The following SRI variants were observed in gnomAD, a reference collection of about 807,000 sequenced individuals.
SRI encodes 22 kDa protein.
SRI carries 30 observed loss-of-function variants against 33.3 expected under a neutral mutation model. The ratio of observed to expected loss-of-function variants is 0.90; its 90% CI spans 0.67 to 1.22. The LOEUF is 1.22. SRI is among the 50% of genes most tolerant of loss of function. The pLI is 0.00. For missense variants in SRI, 243 were observed against 250.8 expected, an observed-to-expected ratio of 0.97 and a Z score of 0.21; for synonymous variants, 75 against 89.9, an observed-to-expected ratio of 0.83 and a Z score of 0.94.
intron 7 of SRI, 45 bp from the exon 8 acceptor site, chr7:88,206,549 T>C (rs768972220): frequency 1.4e-5 from 23 of 1,610,204 alleles, no homozygotes; most frequent in African/African-American, 8.0e-5. Flanking sequence ...AAAGCACTTA[T>C]ACGGCACAGC....
intron 6 of SRI, 61 bp from the exon 7 acceptor site, chr7:88,208,626 AAGTT>A (rs1184519904): frequency 2.9e-5 from 47 of 1,598,422 alleles, no homozygotes; most frequent in East Asian, 1.1e-4. Context: ...AAAATCATAA[AAGTT>A]AGTTATTTTG....
At chr7:88,226,778 G>T in intron 1 of SRI, 1 of 918,600 alleles carries the variant, frequency 1.1e-6, no homozygotes, top group Non-Finnish European at 1.6e-6. Context: ...TGGATTAATT[G>T]ATTCTCAGCT....
chr7:88,209,992 T>G lies in SRI; in HGVS notation c.388A>C (p.Thr130Pro), dbSNP rs1456066182. The change falls in exon 5 of 8, where the codon ACA (threonine) becomes CCA (proline). Residue 130 changes from threonine to proline, a missense_variant. Transcript: ENST00000265729. The part of the protein sequence containing the change: ...VDPQELQKAL[T>P]TMGFRLSPQA... Reference sequence around the variant, plus strand: ...AGTAAGCCATACCTACCCATTGTTGTCAGGGCCTTCTGCAATTCTTGTGGG... The same window carrying G: ...AGTAAGCCATACCTACCCATTGTTGGCAGGGCCTTCTGCAATTCTTGTGGG... 8 of 1,614,030 alleles carry G rather than the reference T, an allele frequency of 5.0e-6. No homozygotes were observed. The highest frequency in any genetic ancestry group is 6.8e-6 in the Non-Finnish European group (8 of 1,180,030).
At chr7:88,214,784 C>A in intron 3 of SRI, 1 of 959,786 alleles carries the variant, frequency 1.0e-6, no homozygotes. Flanking sequence ...AGAATCTCTG[C>A]TGTAATTTAC....
intron 2 of SRI, 131 bp from the exon 3 acceptor site, chr7:88,217,322 TTTA>T (rs1445411198): frequency 1.3e-6 from 1 of 772,038 alleles, no homozygotes; most frequent in African/African-American, 1.8e-5. Context: ...ATGCCTTTTT[TTTA>T]TTAAAAGGAA....
intron 6 of SRI, chr7:88,208,910 G>C: frequency 3.1e-6 from 1 of 323,548 alleles, no homozygotes; most frequent in South Asian, 3.4e-5. Flanking sequence ...TAATAACAAA[G>C]ATACTGCTTA....
intron 2 of SRI, 121 bp from the exon 3 acceptor site, chr7:88,217,312 A>T: frequency 1.2e-6 from 1 of 851,598 alleles, no homozygotes; most frequent in Non-Finnish European, 1.9e-6. Flanking sequence ...TTTAAAAGGA[A>T]TGCCTTTTTT....
intron 2 of SRI, among the ~76,000 whole-genome samples, 185 bp from the exon 3 acceptor site, chr7:88,217,376 C>T (rs1851755320): frequency 6.6e-6 from 1 of 152,046 alleles, no homozygotes; most frequent in African/African-American, 2.4e-5. Flanking sequence ...AACCCACTTC[C>T]AAAAGTAATT....
At chr7:88,209,031 T>A in intron 6 of SRI, 1 of 271,142 alleles carries the variant, frequency 3.7e-6, no homozygotes, top group South Asian at 5.7e-5. Context: ...TCTTTCCAAA[T>A]ATTTCACATT....
chr7:88,221,389 C>T (rs1159819888), upstream of SRI, among the ~76,000 whole-genome samples: 1 of 152,156 alleles, frequency 6.6e-6, no homozygotes, highest in Non-Finnish European at 1.5e-5. Context: ...ATTCAGGAAG[C>T]AGGTTACTGT....
rs760772251 is a variant in SRI, at chr7:88,208,615, TA to T, written c.512-51del. 69 of 1,605,408 alleles carry T rather than the reference TA, an allele frequency of 4.3e-5. No individual in the cohort carries two copies. In the Admixed American group the frequency reaches 4.4e-4, roughly 10 times the overall value. On this transcript the variant is annotated intron_variant, in intron 6 of 7. Coordinates refer to ENST00000265729, the MANE Select transcript of SRI (RefSeq NM_003130.4). ...ATGGTTTTTCTTTAAATGGTTTTTC[TA>T]AAATCATAAAAGTTAGTTATTTTGG...
intron 7 of SRI, 125 bp from the exon 8 acceptor site, chr7:88,206,629 G>T (rs570449540): frequency 2.0e-6 from 2 of 1,014,262 alleles, no homozygotes; most frequent in South Asian, 2.7e-5. Flanking sequence ...AACTTTCTAA[G>T]ATATGAGTAA....
At chr7:88,210,406 A>C (rs1253582754) in intron 4 of SRI, 1 of 460,962 alleles carries the variant, frequency 2.2e-6, no homozygotes, top group Non-Finnish European at 4.0e-6. Context: ...CGGTCTTGTT[A>C]CTGGAACTAG....
At position 88,212,393 on chromosome 7, in the gene SRI, G is replaced by T. The variant is rs577940024; in HGVS notation, c.206-1468C>A. On this transcript the variant is annotated intron_variant, in intron 3 of 7. Transcript: ENST00000265729. Reference sequence around the variant, plus strand: ...TTCTTCATTCTGACTTTTAAGTTGTGTGGAGGTATGAAGTCCCTCTAATCT... The same window carrying T: ...TTCTTCATTCTGACTTTTAAGTTGTTTGGAGGTATGAAGTCCCTCTAATCT... Among the ~76,000 whole-genome samples, 5 of 152,318 alleles carry T rather than the reference G, an allele frequency of 3.3e-5. No individual in the cohort carries two copies. In the South Asian group the frequency reaches 1.0e-3, roughly 32 times the overall value.
upstream of SRI, among the ~76,000 whole-genome samples, chr7:88,223,909 C>T (rs1385951241): frequency 6.6e-6 from 1 of 151,776 alleles, no homozygotes; most frequent in Non-Finnish European, 1.5e-5. Flanking sequence ...TTTACTAAGT[C>T]CTAAAAAAAA....
At chr7:88,219,942 G>T (rs1443916264) in intron 1 of SRI, 34 bp downstream of exon 1, 2 of 1,537,382 alleles carry the variant, frequency 1.3e-6, no homozygotes, top group South Asian at 1.2e-5. Context: ...CCCCGGAGCC[G>T]CCTGGGCCGC....
intron 6 of SRI, 133 bp from the exon 7 acceptor site, chr7:88,208,698 A>C: frequency 7.2e-7 from 1 of 1,379,466 alleles, no homozygotes; most frequent in Non-Finnish European, 9.9e-7. Context: ...CATAAACAAA[A>C]GACCAAAGCA....
In SRI at chr7:88,209,968, G is replaced by A. The variant is rs758168762; in HGVS notation, c.397+15C>T. 6.2e-7 allele frequency: 1 copy of A among 1,614,052 alleles called. No individual in the cohort carries two copies. The highest frequency in any genetic ancestry group is 8.5e-7 in the Non-Finnish European group (1 of 1,179,958). Reference sequence around the variant, plus strand: ...TTCTACCAATGAATGGAGAGTTCTAGTAAGCCATACCTACCCATTGTTGTC... The same window carrying A: ...TTCTACCAATGAATGGAGAGTTCTAATAAGCCATACCTACCCATTGTTGTC... On this transcript the variant is annotated intron_variant, in intron 5 of 7. Coordinates refer to ENST00000265729, the MANE Select transcript of SRI (RefSeq NM_003130.4).
upstream of SRI, among the ~76,000 whole-genome samples, chr7:88,221,803 G>C (rs1028204944): frequency 6.6e-6 from 1 of 150,410 alleles, no homozygotes; most frequent in Non-Finnish European, 1.5e-5. Flanking sequence ...TCGTCATCTA[G>C]CATTAGGTAT....
Sources: gnomAD v4.1 joint callset for allele counts (sites outside exome capture counted in the v4.1 genomes callset) on GRCh38, gnomAD v4.1.1 for gene constraint, MANE v1.5 for transcripts, NCBI Gene and HGNC (gene_info 2026-07-23, HGNC 2026-07-21) for gene names.